LRRC4C: variants seen among roughly 807,000 people sequenced by gnomAD.
LRRC4C encodes leucine-rich repeat-containing protein 4C.
In LRRC4C, 5 loss-of-function variants were observed where a neutral mutation model predicts 33.6. The observed-to-expected ratio is 0.15, with a 90% CI of 0.08 to 0.31. The LOEUF is 0.31. Ranked by LOEUF, LRRC4C falls within the 10% of genes least tolerant of loss-of-function variation. LRRC4C has a pLI of 1.00. For synonymous variants in LRRC4C, 329 were observed against 302.0 expected (o/e 1.09, Z -0.93); for missense variants, 560 against 796.7 (o/e 0.70, Z 3.58).
chr11:40,335,957 C>T (rs1272517232), intron 3 of LRRC4C, among the ~76,000 whole-genome samples: 1 of 152,136 alleles, frequency 6.6e-6, no homozygotes, highest in African/African-American at 2.4e-5. Context: ...ACACTAATAG[C>T]CCGTACCACA....
At chr11:40,550,808 G>GAA (rs5791385) in intron 3 of LRRC4C, among the ~76,000 whole-genome samples, 50 of 147,906 alleles carry the variant, frequency 3.4e-4, no homozygotes, top group East Asian at 9.9e-4. Context: ...ATTTTGGGTG[G>GAA]AAAAAAAAAA....
At chr11:40,706,934 G>C (rs1170751513) in intron 2 of LRRC4C, among the ~76,000 whole-genome samples, 1 of 152,108 alleles carries the variant, frequency 6.6e-6, no homozygotes, top group Non-Finnish European at 1.5e-5. Flanking sequence ...CACTTCCCTT[G>C]TAAGTTGGAT....
chr11:40,878,171 C>T (rs911936355), intron 2 of LRRC4C, among the ~76,000 whole-genome samples: 4 of 151,886 alleles, frequency 2.6e-5, no homozygotes, highest in Admixed American at 6.6e-5. Context: ...GGGTGGACCG[C>T]GTGTAGACTA....
At chr11:40,753,978 T>A (rs998173196) in intron 2 of LRRC4C, among the ~76,000 whole-genome samples, 15 of 151,880 alleles carry the variant, frequency 9.9e-5, no homozygotes, top group Non-Finnish European at 2.1e-4. Flanking sequence ...ATATATATAT[T>A]CACTGTATAT....
chr11:40,962,371 A>G (rs1178145750), intron 1 of LRRC4C, among the ~76,000 whole-genome samples: 5 of 151,718 alleles, frequency 3.3e-5, no homozygotes, highest in Non-Finnish European at 5.9e-5. Context: ...GTAAGGCAGT[A>G]AATTGGTATT....
At position 40,265,919 on chromosome 11, in the gene LRRC4C, A is replaced by G. The variant is rs148316750; in HGVS notation, c.-175-24321T>C. ...TTTGACAGATTTTAAACAGATATAG[A>G]CAGTCCATTTTTACATTTGTAGAAT... On this transcript the variant is annotated intron_variant, in intron 4 of 6. Coordinates refer to ENST00000528697, the MANE Select transcript of LRRC4C (RefSeq NM_001258419.2). 3.5e-3 allele frequency among the ~76,000 whole-genome samples: 534 copies of G among 152,334 alleles called. 2 individuals carry two copies. Among genetic ancestry groups the G allele is most frequent in the African/African-American group, 0.012 (506 of 41,578 alleles).
intron 3 of LRRC4C, among the ~76,000 whole-genome samples, chr11:40,419,795 A>C (rs1186710526): frequency 6.6e-6 from 1 of 152,214 alleles, no homozygotes; most frequent in East Asian, 1.9e-4. Context: ...GGTGCCATGA[A>C]GGCCAGATGG....
chr11:40,974,676 A>C (rs1365894305), intron 1 of LRRC4C, among the ~76,000 whole-genome samples: 3 of 152,208 alleles, frequency 2.0e-5, no homozygotes, highest in Non-Finnish European at 4.4e-5. Context: ...TGTGTCTGAG[A>C]AGGTGTTTCC....
At chr11:40,754,480 G>A (rs958995898) in intron 2 of LRRC4C, among the ~76,000 whole-genome samples, 2 of 152,002 alleles carry the variant, frequency 1.3e-5, no homozygotes, top group South Asian at 2.1e-4. Context: ...GTTCTCCAGC[G>A]TAGAGAGAGG....
chr11:40,202,415 A>C (rs1396575876), intron 5 of LRRC4C, among the ~76,000 whole-genome samples: 1 of 152,036 alleles, frequency 6.6e-6, no homozygotes, highest in Non-Finnish European at 1.5e-5. Flanking sequence ...GGTGAAGGGA[A>C]AGTCAAGCAG....
chr11:40,952,227 T>A (rs773088859), intron 1 of LRRC4C, among the ~76,000 whole-genome samples: 3 of 151,912 alleles, frequency 2.0e-5, no homozygotes, highest in Non-Finnish European at 4.4e-5. Context: ...AAGAGGGATA[T>A]GGATCCCAAG....
intron 1 of LRRC4C, among the ~76,000 whole-genome samples, chr11:41,053,445 G>A (rs1858399059): frequency 6.6e-6 from 1 of 152,168 alleles, no homozygotes; most frequent in Non-Finnish European, 1.5e-5. Context: ...TCCTTTCTTA[G>A]ACAAAGCTGG....
intron 3 of LRRC4C, among the ~76,000 whole-genome samples, chr11:40,551,780 A>G (rs559386384): frequency 3.2e-4 from 48 of 152,318 alleles, no homozygotes; most frequent in African/African-American, 1.1e-3. Flanking sequence ...AGAGCTTTTG[A>G]GAGTATTCAA....
intron 1 of LRRC4C, among the ~76,000 whole-genome samples, chr11:41,425,221 G>A (rs1954999487): frequency 6.6e-6 from 1 of 151,944 alleles, no homozygotes; most frequent in Non-Finnish European, 1.5e-5. Context: ...ATGACATAAG[G>A]CTGTCTGTAA....
chr11:40,566,218 A>T (rs962465507), intron 3 of LRRC4C, among the ~76,000 whole-genome samples: 1 of 149,192 alleles, frequency 6.7e-6, no homozygotes, highest in Non-Finnish European at 1.5e-5. Context: ...TGTGTGTTGG[A>T]TATTCAATTG....
At chr11:40,768,055 A>G (rs1252670010) in intron 2 of LRRC4C, among the ~76,000 whole-genome samples, 1 of 152,008 alleles carries the variant, frequency 6.6e-6, no homozygotes, top group Non-Finnish European at 1.5e-5. Context: ...ATGGAAAGAT[A>G]AACAGAATTG....
intron 2 of LRRC4C, among the ~76,000 whole-genome samples, chr11:40,782,337 C>A (rs1184891784): frequency 6.6e-6 from 1 of 152,106 alleles, no homozygotes; most frequent in Non-Finnish European, 1.5e-5. Flanking sequence ...TTATTCTGAG[C>A]TGCTTCAGGC....
intron 1 of LRRC4C, among the ~76,000 whole-genome samples, chr11:41,162,785 G>T (rs530614130): frequency 2.6e-5 from 4 of 152,282 alleles, no homozygotes; most frequent in African/African-American, 9.6e-5. Flanking sequence ...AATGAATAGT[G>T]GTGAATGTGA....
chr11:40,859,623 A>G (rs1451658317), intron 2 of LRRC4C, among the ~76,000 whole-genome samples: 1 of 152,076 alleles, frequency 6.6e-6, no homozygotes, highest in Non-Finnish European at 1.5e-5. Context: ...AATAAAATTC[A>G]AAAAAAGAGA....
Sources: allele counts gnomAD v4.1 joint callset (sites outside exome capture counted in the v4.1 genomes callset), GRCh38; gene constraint gnomAD v4.1.1; transcripts MANE v1.5; gene names NCBI Gene and HGNC (gene_info 2026-07-23, HGNC 2026-07-21).